The following POLGARF variants were observed in gnomAD, a reference collection of about 807,000 sequenced individuals.
POLGARF encodes the protein POLG alternative reading frame.
chr15:89,333,255 G>C, the POLGARF span: 1 of 1,563,292 alleles, frequency 6.4e-7, no homozygotes, highest in Non-Finnish European at 8.7e-7. Context: ...GGCCCAAGCC[G>C]GGGGCTTCGG....
At chr15:89,331,160 C>T in the POLGARF span, among the ~76,000 whole-genome samples, 2 of 152,100 alleles carry the variant, frequency 1.3e-5, no homozygotes, top group African/African-American at 4.8e-5. Flanking sequence ...AAGGGAGTAT[C>T]TGCCTCAACA....
chr15:89,332,658 A>C, the POLGARF span, among the ~76,000 whole-genome samples: 1 of 151,990 alleles, frequency 6.6e-6, no homozygotes, highest in Admixed American at 6.5e-5. Context: ...TGGGGATGCT[A>C]AATGTCCTAT....
chr15:89,333,596 T>TTGTTGCTGC, the POLGARF span: 2 of 1,578,970 alleles, frequency 1.3e-6, no homozygotes, highest in African/African-American at 1.4e-5. Flanking sequence ...GAGGCTGCTG[T>TTGTTGCTGC]TGCTGCTGCT....
the POLGARF span, chr15:89,332,317 G>GCCA: frequency 6.6e-6 from 1 of 152,142 alleles, no homozygotes; most frequent in Non-Finnish European, 1.5e-5. Context: ...TAAAGAAACT[G>GCCA]CCAACTTTTT....
At chr15:89,330,423 C>G in the POLGARF span, 1 of 713,840 alleles carries the variant, frequency 1.4e-6, no homozygotes, top group Non-Finnish European at 2.5e-6. Context: ...CTAACTCAAA[C>G]AGCTACAGGT....
chr15:89,333,788 A>T, the POLGARF span: 2 of 1,534,560 alleles, frequency 1.3e-6, no homozygotes, highest in Non-Finnish European at 1.7e-6. Context: ...TGGGAGTCAG[A>T]ACACCTGGCT....
the POLGARF span, chr15:89,333,523 T>C: frequency 6.2e-7 from 1 of 1,612,890 alleles, no homozygotes; most frequent in South Asian, 1.1e-5. Flanking sequence ...CTCGAGAGCA[T>C]CTGGATGTCC....
the POLGARF span, chr15:89,333,367 G>A: frequency 2.0e-5 from 32 of 1,576,324 alleles, no homozygotes; most frequent in Non-Finnish European, 2.7e-5. Flanking sequence ...TCCCCGTAGA[G>A]GGGCGGCAGG....
the POLGARF span, among the ~76,000 whole-genome samples, chr15:89,331,544 G>C: frequency 1.3e-5 from 2 of 152,324 alleles, no homozygotes; most frequent in East Asian, 3.9e-4. Flanking sequence ...GTTTTACTGT[G>C]AATCTTAGAA....
At chr15:89,333,464 C>A in the POLGARF span, 5 of 1,611,618 alleles carry the variant, frequency 3.1e-6, no homozygotes, top group Non-Finnish European at 4.2e-6. Context: ...GCACCGCGGC[C>A]TCGCCAGGCA....
At chr15:89,332,948 T>C in the POLGARF span, 1 of 1,063,796 alleles carries the variant, frequency 9.4e-7, no homozygotes, top group Non-Finnish European at 1.3e-6. Context: ...GAGTCCCACA[T>C]AAACAGGGGT....
chr15:89,331,589 T>C, the POLGARF span, among the ~76,000 whole-genome samples: 1 of 152,240 alleles, frequency 6.6e-6, no homozygotes, highest in Non-Finnish European at 1.5e-5. Flanking sequence ...CCCTCTAGCC[T>C]GATGGCCGAA....
chr15:89,331,536 T>C, the POLGARF span, among the ~76,000 whole-genome samples: 4 of 152,174 alleles, frequency 2.6e-5, no homozygotes, highest in Admixed American at 2.0e-4. Context: ...TAATACTAGT[T>C]TTACTGTGAA....
At chr15:89,330,731 C>CAA in the POLGARF span, among the ~76,000 whole-genome samples, 8 of 117,932 alleles carry the variant, frequency 6.8e-5, no homozygotes, top group African/African-American at 2.3e-4. Context: ...ATTGAATTGG[C>CAA]AAAAAAAAAA....
chr15:89,333,280 G>T, the POLGARF span: 1 of 1,558,370 alleles, frequency 6.4e-7, no homozygotes. Flanking sequence ...AGCTGGGCCT[G>T]CAACAGCAAG....
the POLGARF span, chr15:89,333,700 C>A: frequency 6.5e-7 from 1 of 1,540,030 alleles, no homozygotes; most frequent in South Asian, 1.2e-5. Flanking sequence ...GGAGCTGGAA[C>A]CGGCCCTGGC....
At chr15:89,333,621 TGCTGCTGCCGCCGCC>T in the POLGARF span, 60 of 1,599,294 alleles carry the variant, frequency 3.8e-5, no homozygotes, top group Non-Finnish European at 4.9e-5. Flanking sequence ...CTGCTGCTGC[TGCTGCTGCCGCCGCC>T]GCTGCCCGTC....
At chr15:89,332,975 A>T in the POLGARF span, 3 of 1,326,720 alleles carry the variant, frequency 2.3e-6, no homozygotes, top group South Asian at 3.7e-5. Context: ...CTAATTCAAC[A>T]CATCAGCGCT....
the POLGARF span, chr15:89,333,637 G>C: frequency 6.3e-7 from 1 of 1,590,624 alleles, no homozygotes; most frequent in East Asian, 2.3e-5. Context: ...TGCCGCCGCC[G>C]CTGCCCGTCG....
Sources: gnomAD v4.1 joint callset for allele counts (sites outside exome capture counted in the v4.1 genomes callset) on GRCh38, gnomAD v4.1.1 for gene constraint, MANE v1.5 for transcripts, NCBI Gene and HGNC (gene_info 2026-07-23, HGNC 2026-07-21) for gene names.